Variants in SCARB1 observed in about 807,000 individuals in gnomAD.
The protein encoded by SCARB1 is CD36 and LIMPII analogous 1.
SCARB1 carries 30 observed loss-of-function variants against 57.2 expected under a neutral mutation model. That is an observed-to-expected ratio of 0.52 (90% CI 0.39 to 0.71). The LOEUF is 0.71. SCARB1 is among the 30% of genes least tolerant of loss of function. The pLI, the probability that SCARB1 is intolerant of heterozygous loss-of-function variation, is 0.00. For synonymous variants in SCARB1, 249 were observed against 268.3 expected (o/e 0.93, Z 0.70); for missense variants, 543 against 671.2 (o/e 0.81, Z 2.11).
intron 1 of SCARB1, among the ~76,000 whole-genome samples, chr12:124,838,155 C>T (rs1951767174): frequency 6.6e-6 from 1 of 152,214 alleles, no homozygotes; most frequent in Non-Finnish European, 1.5e-5. Context: ...TACAGAAAAG[C>T]ATGCCAACCC....
At position 124,863,744 on chromosome 12, in the gene SCARB1, G is replaced by T. The variant is rs367704555; in HGVS notation, c.-24C>A. ...ATGTCTGCGCGCCTGGGGCCCACCC[G>T]CGGCTCGCAGGGCTCCGCGCCTGGC... On this transcript the variant is annotated 5_prime_UTR_variant, in exon 1 of 13. Transcript: ENST00000261693. The T allele has an allele frequency of 7.0e-7, 1 of 1,437,766 alleles. No individual in the cohort carries two copies. Among genetic ancestry groups the T allele is most frequent in the South Asian group, 1.5e-5 (1 of 68,328 alleles). 89.1% of individuals were successfully genotyped at this position (1,437,766 alleles called of 1,614,324 possible).
At chr12:124,783,111 C>T (rs185445624) in intron 11 of SCARB1, 84 of 388,434 alleles carry the variant, frequency 2.2e-4, no homozygotes, top group African/African-American at 1.4e-3. Context: ...TGGAGACCGA[C>T]AACCAGTGGA....
intron 5 of SCARB1, among the ~76,000 whole-genome samples, chr12:124,811,368 T>G (rs12319059): frequency 0.015 from 2,227 of 152,270 alleles, 22 homozygotes; most frequent in African/African-American, 0.028. Flanking sequence ...TCACCTCCTG[T>G]GTTCAAGCGA....
intron 1 of SCARB1, among the ~76,000 whole-genome samples, chr12:124,861,876 G>GGACACA (rs1555266979): frequency 6.6e-6 from 1 of 151,340 alleles, no homozygotes; most frequent in Non-Finnish European, 1.5e-5. Context: ...CATGTGTGGT[G>GGACACA]CACACACACA....
chr12:124,807,919 T>C lies in SCARB1; in HGVS notation c.851A>G (p.Lys284Arg), dbSNP rs1281100762. 6.2e-7 allele frequency: 1 copy of C among 1,614,082 alleles called. No homozygotes were observed. The highest frequency in any genetic ancestry group is 8.5e-7 in the Non-Finnish European group (1 of 1,179,990). The change falls in exon 7 of 13, where the codon AAG (lysine) becomes AGG (arginine). Residue 284 changes from lysine (K) to arginine (R), a missense_variant. Coordinates refer to ENST00000261693, the MANE Select transcript of SCARB1 (RefSeq NM_005505.5). This position sits in a 1 kb window ranked among gnomAD's most constrained non-coding sequence, Gnocchi z 5.3. The part of the protein sequence containing the change: ...FYSPEACRSM[K>R]LMYKESGVFE... The stretch of plus-strand genomic sequence containing the variant: ...CACCCCTGACTCCTTGTACATTAGC[T>C]TCATGGATCTGCAGGGGACAGACAG...
intron 1 of SCARB1, among the ~76,000 whole-genome samples, chr12:124,827,851 GT>G (rs1171411207): frequency 2.0e-5 from 3 of 152,086 alleles, no homozygotes; most frequent in African/African-American, 7.2e-5. Context: ...CGAGCACACG[GT>G]ATAATTAGCT....
chr12:124,862,920 A>C (rs114997578), intron 1 of SCARB1, among the ~76,000 whole-genome samples: 2,426 of 152,282 alleles, frequency 0.016, 71 homozygotes, highest in East Asian at 0.11. Context: ...CACTCAGAGG[A>C]CCTTGGGCTG....
intron 1 of SCARB1, among the ~76,000 whole-genome samples, chr12:124,828,808 C>T (rs1434258742): frequency 6.6e-6 from 1 of 152,218 alleles, no homozygotes; most frequent in African/African-American, 2.4e-5. Context: ...TCTAATTCCT[C>T]CTCCTATGAG....
chr12:124,851,671 G>A (rs949429124), intron 1 of SCARB1, among the ~76,000 whole-genome samples: 4 of 148,430 alleles, frequency 2.7e-5, no homozygotes, highest in South Asian at 2.1e-4. Context: ...GCAGTGGCGC[G>A]ATCTCAGCTC....
At chr12:124,857,124 G>A (rs4597160) in intron 1 of SCARB1, among the ~76,000 whole-genome samples, 1,687 of 152,234 alleles carry the variant, frequency 0.011, 42 homozygotes, top group African/African-American at 0.038. Flanking sequence ...CCGGGAGGAC[G>A]CAGTGCGCAG....
intron 1 of SCARB1, among the ~76,000 whole-genome samples, chr12:124,848,123 G>A (rs149259865): frequency 7.2e-5 from 11 of 152,252 alleles, no homozygotes; most frequent in African/African-American, 1.9e-4. Context: ...TCACTCTGTC[G>A]CCCAGGCTGG....
At chr12:124,828,978 C>A (rs1014523660) in intron 1 of SCARB1, among the ~76,000 whole-genome samples, 12 of 152,200 alleles carry the variant, frequency 7.9e-5, no homozygotes, top group Non-Finnish European at 1.6e-4. Flanking sequence ...TCCAGGCATC[C>A]CCAGCTCCAT....
chr12:124,854,445 G>T (rs563263341), intron 1 of SCARB1, among the ~76,000 whole-genome samples: 3 of 152,194 alleles, frequency 2.0e-5, no homozygotes, highest in Admixed American at 1.3e-4. Context: ...TCAGGGCTTT[G>T]AGGGGAGGAG....
chr12:124,831,514 G>A (rs1382262267), intron 1 of SCARB1, among the ~76,000 whole-genome samples: 1 of 152,138 alleles, frequency 6.6e-6, no homozygotes, highest in Non-Finnish European at 1.5e-5. Flanking sequence ...CAGCCACCAA[G>A]GCCCAATCAG....
chr12:124,824,606 C>A (rs1418563414), intron 1 of SCARB1, among the ~76,000 whole-genome samples: 2 of 152,186 alleles, frequency 1.3e-5, no homozygotes, highest in Non-Finnish European at 2.9e-5. Context: ...AGTAGATGAG[C>A]AAAAATTAGG....
chr12:124,818,098 T>C (rs1260737496), intron 1 of SCARB1, among the ~76,000 whole-genome samples: 2 of 152,226 alleles, frequency 1.3e-5, no homozygotes, highest in Admixed American at 1.3e-4. Context: ...CATTCATTCA[T>C]TCCACAAGCA....
chr12:124,788,415 C>T (rs747866143), intron 9 of SCARB1, among the ~76,000 whole-genome samples: 11 of 152,150 alleles, frequency 7.2e-5, no homozygotes, highest in African/African-American at 1.2e-4. Context: ...ATGAGATGTT[C>T]GCAGAAGCGT....
chr12:124,862,699 G>A (rs1459993693), intron 1 of SCARB1, among the ~76,000 whole-genome samples: 1 of 151,750 alleles, frequency 6.6e-6, no homozygotes, highest in African/African-American at 2.4e-5. Context: ...GGTTCCCAGG[G>A]CTTCAAAACT....
rs766967804 is a variant in SCARB1 at position 124,807,842 on chromosome 12, T to A, written c.928A>T (p.Asn310Tyr). 2.5e-6 allele frequency: 4 copies of A among 1,614,104 alleles called. No homozygotes were observed. In the South Asian group the frequency reaches 4.4e-5, roughly 18 times the overall value. Reference protein sequence around the residue: ...RFVAPKTLFANGSIYPPNEGF... With the variant: ...RFVAPKTLFAYGSIYPPNEGF... ...TCGTTGGGTGGGTAGATGGACCCGT[T>A]GGCAAACAGGGTTTTGGGAGCCACG... The change falls in exon 7 of 13, where the codon AAC becomes TAC. Residue 310 changes from asparagine (N) to tyrosine (Y), a missense_variant. Transcript: ENST00000261693. This position sits in a 1 kb window ranked among gnomAD's most constrained non-coding sequence, Gnocchi z 5.3.
Sources: allele counts gnomAD v4.1 joint callset (sites outside exome capture counted in the v4.1 genomes callset), GRCh38; gene constraint gnomAD v4.1.1; non-coding constraint Gnocchi (gnomAD v3.1); transcripts MANE v1.5; gene names NCBI Gene and HGNC (gene_info 2026-07-23, HGNC 2026-07-21).